Variants in KAT2B observed in about 807,000 individuals in gnomAD.
KAT2B encodes the protein lysine acetyltransferase 2B, also known as histone acetyltransferase KAT2B.
In KAT2B, 36 loss-of-function variants were observed where a neutral mutation model predicts 105.9. The observed-to-expected ratio is 0.34, with a 90% CI of 0.26 to 0.45. KAT2B has a LOEUF of 0.45. Among genes scored for constraint, KAT2B ranks in the 20% least tolerant of loss-of-function variants. The pLI, the probability that KAT2B is intolerant of heterozygous loss-of-function variation, is 1.00. For synonymous variants in KAT2B, 397 were observed against 377.9 expected (o/e 1.05, Z -0.59); for missense variants, 820 against 1,021.6 (o/e 0.80, Z 2.69).
At chr3:20,051,657 T>C (rs1697918104) in intron 1 of KAT2B, among the ~76,000 whole-genome samples, 1 of 152,176 alleles carries the variant, frequency 6.6e-6, no homozygotes, top group Admixed American at 6.5e-5. Context: ...GCTGAGGCCA[T>C]TAAATGCCAC....
rs758921013 is a variant in KAT2B, at chr3:20,127,450, A to C, written c.1650A>C (p.Lys550Asn). 6.2e-7 allele frequency: 1 copy of C among 1,613,382 alleles called. No individual in the cohort carries two copies. The highest frequency in any genetic ancestry group is 8.5e-7 in the Non-Finnish European group (1 of 1,179,274). Residue 550 changes from lysine (K) to asparagine (N), a missense_variant, in exon 11 of 18, where the codon AAA becomes AAC. Around this residue, in one of 6 missense-constraint regions of KAT2B, gnomAD observed 225 missense variants for 268.1 expected, o/e 0.84. Transcript: ENST00000263754. ...DPKHKTLALI[K>N]DGRVIGGICF... ...AACACAAAACCCTTGCTTTAATTAA[A>C]GATGGCCGTGTTATTGGTGGTATCT...
Position 20,095,405 on chromosome 3 carries a change from T to C in KAT2B, c.573T>C (p.Phe191=), listed in dbSNP as rs1455051368. 1.3e-6 allele frequency: 2 copies of C among 1,577,508 alleles called. No homozygotes were observed. Among genetic ancestry groups the C allele is most frequent in the Admixed American group, 3.4e-5 (2 of 58,522 alleles). ...CCAAACAAGTTTATTTCTATCTATT[T>C]AAGGTGAGATTTTAACATTTTAAAA... ...ADTKQVYFYL[F]KLLRKSILQR... Residue 191 remains phenylalanine, a synonymous_variant, in exon 3 of 18, where the codon TTT becomes TTC. Coordinates refer to ENST00000263754, the MANE Select transcript of KAT2B (RefSeq NM_003884.5).
At chr3:20,067,763 C>A (rs1350399565) in intron 1 of KAT2B, among the ~76,000 whole-genome samples, 2 of 151,832 alleles carry the variant, frequency 1.3e-5, no homozygotes, top group Admixed American at 1.3e-4. Flanking sequence ...CAACCTCTGC[C>A]TCCCAGGTTC....
chr3:20,065,304 C>T (rs895845405), intron 1 of KAT2B, among the ~76,000 whole-genome samples: 2 of 152,168 alleles, frequency 1.3e-5, no homozygotes, highest in African/African-American at 4.8e-5. Context: ...GCAGTGCACT[C>T]CCTAAAAGGT....
At chr3:20,125,553 A>G (rs985890647) in intron 9 of KAT2B, among the ~76,000 whole-genome samples, 1 of 152,236 alleles carries the variant, frequency 6.6e-6, no homozygotes, top group African/African-American at 2.4e-5. Context: ...GCATTATAGC[A>G]GAAGAAGGAG....
chr3:20,046,108 C>T (rs1211273285), intron 1 of KAT2B, among the ~76,000 whole-genome samples: 1 of 152,170 alleles, frequency 6.6e-6, no homozygotes, highest in Non-Finnish European at 1.5e-5. Context: ...CCCCAGAATT[C>T]CTAGAACATA....
Position 20,122,800 on chromosome 3 carries a change from C to G in KAT2B, c.1409C>G (p.Pro470Arg). Reference protein sequence around the residue: ...TITDPAAMLGPETNFLSAHSA... With the variant: ...TITDPAAMLGRETNFLSAHSA... ...ACGGACCCTGCAGCAATGCTTGGAC[C>G]AGAGGTCAGCAGGGTAAACCTGGGC... The change falls in exon 9 of 18, where the codon CCA becomes CGA. Residue 470 changes from proline to arginine, a missense_variant. Physicochemically the swap from Pro to Arg is moderately radical, Grantham distance 103. Coordinates refer to ENST00000263754, the MANE Select transcript of KAT2B (RefSeq NM_003884.5). 1 of 1,609,918 alleles carries G rather than the reference C, an allele frequency of 6.2e-7. No homozygotes were observed.
At chr3:20,063,526 G>T (rs878962549) in intron 1 of KAT2B, among the ~76,000 whole-genome samples, 1 of 136,232 alleles carries the variant, frequency 7.3e-6, no homozygotes, top group Admixed American at 7.9e-5. Context: ...CAACTTCTGA[G>T]TAGGCCTCTT....
At chr3:20,097,027 G>T (rs1012956763) in intron 3 of KAT2B, among the ~76,000 whole-genome samples, 2 of 152,134 alleles carry the variant, frequency 1.3e-5, no homozygotes, top group Non-Finnish European at 2.9e-5. Flanking sequence ...ACAGCCATTA[G>T]CAGGCACTGG....
chr3:20,143,566 A>G (rs1445818685), intron 13 of KAT2B, among the ~76,000 whole-genome samples: 2 of 152,208 alleles, frequency 1.3e-5, no homozygotes, highest in Non-Finnish European at 2.9e-5. Context: ...TGTTCTTACA[A>G]AAAGATACAT....
intron 5 of KAT2B, 75 bp downstream of exon 5, chr3:20,101,543 A>C: frequency 8.7e-7 from 1 of 1,147,978 alleles, no homozygotes; most frequent in Non-Finnish European, 1.3e-6. Context: ...TGACTCTATA[A>C]GTATAGGGCT....
chr3:20,042,802 A>G (rs895772011), intron 1 of KAT2B, among the ~76,000 whole-genome samples: 7 of 152,146 alleles, frequency 4.6e-5, no homozygotes, highest in African/African-American at 1.7e-4. Flanking sequence ...GATCTTTTCA[A>G]ATTTCCATGG....
intron 2 of KAT2B, among the ~76,000 whole-genome samples, chr3:20,079,231 G>A (rs1426729909): frequency 4.1e-5 from 5 of 121,716 alleles, no homozygotes; most frequent in Admixed American, 9.8e-5. Flanking sequence ...TTGCCACAGA[G>A]TCTGGCTCTG....
chr3:20,100,213 T>C (rs1698886363), intron 4 of KAT2B, among the ~76,000 whole-genome samples: 1 of 152,160 alleles, frequency 6.6e-6, no homozygotes, highest in Non-Finnish European at 1.5e-5. Context: ...AAGTAGAACA[T>C]GTAGTTTGTA....
chr3:20,094,712 A>G (rs751930557), intron 2 of KAT2B, among the ~76,000 whole-genome samples: 30 of 152,176 alleles, frequency 2.0e-4, no homozygotes, highest in Admixed American at 7.2e-4. Flanking sequence ...TTTGCAGCAG[A>G]CAGTGAGGTT....
chr3:20,092,198 A>G (rs1559310121), intron 2 of KAT2B, among the ~76,000 whole-genome samples: 1 of 134,722 alleles, frequency 7.4e-6, no homozygotes, highest in Admixed American at 7.8e-5. Flanking sequence ...ATTGTATTTC[A>G]TTCAATCTCT....
rs1309686612 is a variant in KAT2B at position 20,153,942 on chromosome 3, G to T, written c.*1417G>T. The T allele has an allele frequency of 2.6e-5, 4 of 152,448 alleles. No homozygotes were observed. The allele number at this position is 152,448 out of a possible 1,614,324, so 9.4% of individuals were successfully genotyped here. ...AACCCTGCAAATGGCTATTGAGTTG[G>T]AAGTATTGTTTTTGATATGTAAGAG... On this transcript the variant is annotated 3_prime_UTR_variant, in exon 18 of 18. Coordinates refer to ENST00000263754, the MANE Select transcript of KAT2B (RefSeq NM_003884.5).
intron 1 of KAT2B, among the ~76,000 whole-genome samples, chr3:20,041,496 C>T (rs914216493): frequency 3.3e-5 from 5 of 152,212 alleles, no homozygotes; most frequent in East Asian, 1.9e-4. Flanking sequence ...CGCTACTGCT[C>T]AGTTTGAGGA....
chr3:20,079,108 C>G (rs543153468), intron 2 of KAT2B, among the ~76,000 whole-genome samples: 81 of 151,162 alleles, frequency 5.4e-4, no homozygotes, highest in South Asian at 1.3e-3. Flanking sequence ...GCCAAGTTAG[C>G]CACGCTGGTC....
Sources: allele counts gnomAD v4.1 joint callset (sites outside exome capture counted in the v4.1 genomes callset), GRCh38; gene constraint gnomAD v4.1.1; regional missense constraint gnomAD v4.1.1; transcripts MANE v1.5; gene names NCBI Gene and HGNC (gene_info 2026-07-23, HGNC 2026-07-21).